Variants in PEPD observed in about 807,000 individuals in gnomAD.
The protein encoded by PEPD is xaa-Pro dipeptidase.
A neutral mutation model predicts 60.7 loss-of-function variants in PEPD; 53 were observed. The ratio of observed to expected loss-of-function variants is 0.87; its 90% CI spans 0.70 to 1.10. The LOEUF (loss-of-function observed/expected upper bound fraction) is 1.10. PEPD is among the 50% of genes least tolerant of loss of function. The pLI is 0.00. For synonymous variants in PEPD, 267 were observed against 284.1 expected (o/e 0.94, Z 0.60); for missense variants, 711 against 711.9 (o/e 1.00, Z 0.01).
At chr19:33,477,552 T>C (rs1202794964) in intron 7 of PEPD, among the ~76,000 whole-genome samples, 2 of 152,200 alleles carry the variant, frequency 1.3e-5, no homozygotes, top group African/African-American at 4.8e-5. Flanking sequence ...GCGCCCAGCA[T>C]AAGACAGCTC....
At chr19:33,403,827 C>G (rs1195391342) in intron 11 of PEPD, among the ~76,000 whole-genome samples, 1 of 152,234 alleles carries the variant, frequency 6.6e-6, no homozygotes, top group Non-Finnish European at 1.5e-5. Flanking sequence ...CCTCAGGTGA[C>G]TCTCAGGCTG....
chr19:33,404,119 T>C lies in PEPD; in HGVS notation c.819-2250A>G, dbSNP rs955120705. Among the ~76,000 whole-genome samples the C allele has an allele frequency of 1.3e-4, 20 of 152,340 alleles. No individual in the cohort carries two copies. In the East Asian group the frequency reaches 1.3e-3, roughly 10 times the overall value. ...TAGGTCCTGGCGGCAGTGCTCAACC[T>C]TCACGGCCTCAGTTTTTCCATCTGT... On this transcript the variant is annotated intron_variant, in intron 11 of 14. Coordinates refer to ENST00000244137, the MANE Select transcript of PEPD (RefSeq NM_000285.4).
At chr19:33,513,818 G>T (rs746134624) in intron 1 of PEPD, among the ~76,000 whole-genome samples, 1 of 151,676 alleles carries the variant, frequency 6.6e-6, no homozygotes, top group African/African-American at 2.4e-5. Flanking sequence ...AGCCTTTGCC[G>T]CTGCGGCGCC....
At chr19:33,421,108 C>T (rs566875590) in intron 9 of PEPD, among the ~76,000 whole-genome samples, 1 of 152,286 alleles carries the variant, frequency 6.6e-6, no homozygotes, top group African/African-American at 2.4e-5. Context: ...TGTGGGTGAG[C>T]GTTCGGGTTG....
chr19:33,450,936 C>T (rs536350035), intron 9 of PEPD, among the ~76,000 whole-genome samples: 1 of 152,208 alleles, frequency 6.6e-6, no homozygotes, highest in Non-Finnish European at 1.5e-5. Flanking sequence ...GGAGTTACCA[C>T]CCCTTTCCAT....
intron 9 of PEPD, among the ~76,000 whole-genome samples, chr19:33,447,696 T>A (rs1228073898): frequency 2.0e-5 from 3 of 152,078 alleles, no homozygotes; most frequent in Admixed American, 6.5e-5. Context: ...CAGGCCAGTT[T>A]CCCTCCTGCT....
rs144378471 is a variant in PEPD at position 33,450,149 on chromosome 19, C to T, written c.671+12846G>A. Reference sequence around the variant, plus strand: ...TTATCAGTCTAGGTCAGAACACACCCGATGTGAACTTTATGGCCTGAGTTG... The same window carrying T: ...TTATCAGTCTAGGTCAGAACACACCTGATGTGAACTTTATGGCCTGAGTTG... On this transcript the variant is annotated intron_variant, in intron 9 of 14. Coordinates refer to ENST00000244137, the MANE Select transcript of PEPD (RefSeq NM_000285.4). 2.2e-4 allele frequency among the ~76,000 whole-genome samples: 34 copies of T among 152,330 alleles called. No individual in the cohort carries two copies. In the East Asian group the frequency reaches 4.8e-3, roughly 22 times the overall value.
intron 9 of PEPD, among the ~76,000 whole-genome samples, chr19:33,458,454 G>A (rs1969854965): frequency 6.6e-6 from 1 of 151,294 alleles, no homozygotes; most frequent in South Asian, 2.1e-4. Flanking sequence ...TATGTGTGGT[G>A]TGTGTATGGT....
chr19:33,516,690 T>C (rs981004232), intron 1 of PEPD, among the ~76,000 whole-genome samples: 1 of 152,054 alleles, frequency 6.6e-6, no homozygotes, highest in African/African-American at 2.4e-5. Flanking sequence ...ATCCTCAAAT[T>C]CAGGGGCTCC....
At chr19:33,410,393 C>A (rs1353223046) in intron 11 of PEPD, among the ~76,000 whole-genome samples, 1 of 152,168 alleles carries the variant, frequency 6.6e-6, no homozygotes, top group Admixed American at 6.5e-5. Context: ...TGCAAATACT[C>A]GGCCCTGACA....
At chr19:33,467,280 C>T (rs1264043345) in intron 7 of PEPD, among the ~76,000 whole-genome samples, 3 of 152,060 alleles carry the variant, frequency 2.0e-5, no homozygotes, top group East Asian at 1.9e-4. Context: ...AAGGCACTCC[C>T]GCCCTGATAC....
At chr19:33,465,055 C>T (rs1380368844) in intron 7 of PEPD, among the ~76,000 whole-genome samples, 3 of 152,156 alleles carry the variant, frequency 2.0e-5, no homozygotes, top group South Asian at 2.1e-4. Flanking sequence ...ATCTGAAAAA[C>T]GGAGATATGA....
intron 13 of PEPD, 128 bp downstream of exon 13, chr19:33,391,167 G>C (rs879922728): frequency 4.5e-5 from 35 of 783,752 alleles, no homozygotes; most frequent in Middle Eastern, 2.9e-4. Context: ...ATACCACAGG[G>C]AGCCATGGGG....
intron 8 of PEPD, 75 bp from the exon 9 acceptor site, chr19:33,463,116 ACTT>A: frequency 1.1e-6 from 1 of 892,710 alleles, no homozygotes; most frequent in Non-Finnish European, 1.9e-6. Flanking sequence ...AACATACAGC[ACTT>A]CTTCAAAAGC....
At chr19:33,461,575 T>C (rs1233894908) in intron 9 of PEPD, among the ~76,000 whole-genome samples, 1 of 152,162 alleles carries the variant, frequency 6.6e-6, no homozygotes, top group Admixed American at 6.5e-5. Context: ...CTGCCCCAAT[T>C]TCTCAGTTAT....
chr19:33,503,747 T>G (rs1970752546), intron 3 of PEPD, among the ~76,000 whole-genome samples: 1 of 152,184 alleles, frequency 6.6e-6, no homozygotes, highest in Non-Finnish European at 1.5e-5. Flanking sequence ...TGTTCCCAGC[T>G]CTGCCTCTAG....
intron 9 of PEPD, among the ~76,000 whole-genome samples, chr19:33,452,705 A>T (rs954355316): frequency 3.3e-5 from 5 of 152,224 alleles, no homozygotes; most frequent in African/African-American, 1.2e-4. Context: ...GATGAAAACT[A>T]AGACTTTATA....
At chr19:33,404,766 G>A (rs545886343) in intron 11 of PEPD, among the ~76,000 whole-genome samples, 1 of 152,308 alleles carries the variant, frequency 6.6e-6, no homozygotes, top group East Asian at 1.9e-4. Flanking sequence ...GCTCGGGTAT[G>A]GAGCTGAAGT....
intron 6 of PEPD, among the ~76,000 whole-genome samples, chr19:33,488,812 T>C (rs1207639162): frequency 6.6e-6 from 1 of 152,140 alleles, no homozygotes; most frequent in Non-Finnish European, 1.5e-5. Context: ...TCATACATAA[T>C]TATAAGGCGG....
Sources: gnomAD v4.1 joint callset for allele counts (sites outside exome capture counted in the v4.1 genomes callset) on GRCh38, gnomAD v4.1.1 for gene constraint, MANE v1.5 for transcripts, NCBI Gene and HGNC (gene_info 2026-07-23, HGNC 2026-07-21) for gene names.